The following CACNG7 variants were observed in gnomAD, a reference collection of about 807,000 sequenced individuals.
CACNG7 encodes voltage-dependent calcium channel gamma-7 subunit.
Under a neutral mutation model 26.3 loss-of-function variants are expected in CACNG7, and 9 were observed. The ratio of observed to expected loss-of-function variants is 0.34; its 90% confidence interval spans 0.21 to 0.60. CACNG7 has a LOEUF of 0.60. Among genes scored for constraint, CACNG7 ranks in the 20% least tolerant of loss-of-function variants. The pLI is 0.81. For missense variants in CACNG7, 297 were observed against 380.4 expected (o/e 0.78, Z 1.82); for synonymous variants, 170 against 157.0 (o/e 1.08, Z -0.62).
intron 4 of CACNG7, among the ~76,000 whole-genome samples, chr19:53,928,074 GA>G (rs533778746): frequency 0.21 from 26,055 of 123,322 alleles, 2,885 homozygotes; most frequent in African/African-American, 0.47. Context: ...GAAGGGAGGG[GA>G]GAAAAAGAGA....
intron 2 of CACNG7, among the ~76,000 whole-genome samples, chr19:53,914,060 G>T (rs1198292187): frequency 7.2e-5 from 11 of 151,954 alleles, no homozygotes. Flanking sequence ...TGGATCACAA[G>T]GTCAGGAGTT....
Position 53,940,890 on chromosome 19 carries a change from A to G in CACNG7, c.425-580A>G, listed in dbSNP as rs1230562052. Among the ~76,000 whole-genome samples the G allele has an allele frequency of 1.3e-5, 2 of 151,418 alleles. No homozygotes were observed. The highest frequency in any genetic ancestry group is 2.9e-5 in the Non-Finnish European group (2 of 67,918). On this transcript the variant is annotated intron_variant, in intron 4 of 5. Coordinates refer to ENST00000391767, the MANE Select transcript of CACNG7 (RefSeq NM_031896.5). This position sits in a 1 kb window ranked among gnomAD's most constrained non-coding sequence, Gnocchi z 4.1. ...GCCAACATGGTGAAACCCCGTCTCT[A>G]CTAAAAATATAAAAAAAAAAATTAG...
chr19:53,921,559 G>GT (rs1463405101), intron 4 of CACNG7, among the ~76,000 whole-genome samples: 54 of 118,752 alleles, frequency 4.5e-4, no homozygotes, highest in East Asian at 5.4e-4. Context: ...GTTGCCCCAG[G>GT]CTGGTCATTG....
chr19:53,941,721 C>T, intron 5 of CACNG7, 106 bp downstream of exon 5: 5 of 1,361,494 alleles, frequency 3.7e-6, no homozygotes, highest in East Asian at 2.4e-5. Context: ...CAGACTCTGG[C>T]GTCAGAGGGA....
intron 4 of CACNG7, among the ~76,000 whole-genome samples, chr19:53,917,771 A>G (rs769590386): frequency 1.3e-5 from 2 of 152,224 alleles, no homozygotes; most frequent in Non-Finnish European, 2.9e-5. Context: ...TGTCAAAATC[A>G]TGATAAGGAA....
chr19:53,934,828 A>G (rs1355417767), intron 4 of CACNG7, among the ~76,000 whole-genome samples: 2 of 141,788 alleles, frequency 1.4e-5, no homozygotes, highest in African/African-American at 5.4e-5. Flanking sequence ...TAGCATTTTG[A>G]AAAAAAAAAA....
At chr19:53,916,487 CTT>C (rs397706471) in intron 4 of CACNG7, among the ~76,000 whole-genome samples, 8 of 95,458 alleles carry the variant, frequency 8.4e-5, no homozygotes, top group African/African-American at 1.3e-4. Context: ...TTCTTTCTTT[CTT>C]TTTTTTTTTT....
At chr19:53,919,134 C>G (rs2068917887) in intron 4 of CACNG7, among the ~76,000 whole-genome samples, 1 of 152,142 alleles carries the variant, frequency 6.6e-6, no homozygotes, top group Admixed American at 6.6e-5. Flanking sequence ...AACCCAGCCT[C>G]CTCACCATGG....
chr19:53,942,037 G>C lies in CACNG7; in HGVS notation c.572G>C (p.Gly191Ala). The change falls in exon 6 of 6, where the codon GGG (glycine) becomes GCG (alanine). Residue 191 changes from glycine to alanine, a missense_variant and splice_region_variant. Physicochemically the swap from Gly to Ala is moderately conservative, Grantham distance 60. Coordinates refer to ENST00000391767, the MANE Select transcript of CACNG7 (RefSeq NM_031896.5). This position sits in a 1 kb window ranked among gnomAD's most constrained non-coding sequence, Gnocchi z 5.9. ...GACTCTGACCTTGCCTTGCCGCAGG[G>C]GGCCGGCGTGATGTCCGTGTACCTG... ...FAASSFLLKE[G>A]AGVMSVYLFT... 1 of 1,586,094 alleles carries C rather than the reference G, an allele frequency of 6.3e-7. No individual in the cohort carries two copies. Among genetic ancestry groups the C allele is most frequent in the Non-Finnish European group, 8.6e-7 (1 of 1,161,296 alleles).
At position 53,941,567 on chromosome 19, in the gene CACNG7, C is replaced by T; in HGVS notation, c.522C>T (p.Arg174=). ...PSSSEQYFHY[R]YGWSFAFAAS... is the part of the protein sequence containing the mutation. ...GCTCTGAGCAGTATTTTCATTATCGCTACGGGTGGTCTTTTGCCTTCGCCG... is the reference window on the plus strand; with the variant it reads ...GCTCTGAGCAGTATTTTCATTATCGTTACGGGTGGTCTTTTGCCTTCGCCG... Residue 174 remains arginine, a synonymous_variant, in exon 5 of 6, where the codon CGC becomes CGT. Coordinates refer to ENST00000391767, the MANE Select transcript of CACNG7 (RefSeq NM_031896.5). The T allele has an allele frequency of 6.2e-7, 1 of 1,611,598 alleles. No individual in the cohort carries two copies. Among genetic ancestry groups the T allele is most frequent in the Non-Finnish European group, 8.5e-7 (1 of 1,179,142 alleles).
intron 4 of CACNG7, among the ~76,000 whole-genome samples, chr19:53,933,772 A>G (rs2069088747): frequency 6.7e-6 from 1 of 150,364 alleles, no homozygotes; most frequent in South Asian, 2.1e-4. Flanking sequence ...TCTTTTTGAG[A>G]TATTAGAGTT....
chr19:53,915,116 C>T (rs1323268256), intron 3 of CACNG7, among the ~76,000 whole-genome samples: 3 of 151,440 alleles, frequency 2.0e-5, no homozygotes, highest in Non-Finnish European at 4.4e-5. Context: ...TGGTGAGGAG[C>T]GGTCAATCAG....
rs751310306 is a variant in CACNG7 at position 53,942,020 on chromosome 19, C to A, written c.571-16C>A. ...CAGGGGGGCGCCCCTGGGACTCTGA[C>A]CTTGCCTTGCCGCAGGGGGCCGGCG... is the stretch of plus-strand genomic sequence containing the variant. On this transcript the variant is annotated splice_polypyrimidine_tract_variant and intron_variant, in intron 5 of 5. Coordinates refer to ENST00000391767, the MANE Select transcript of CACNG7 (RefSeq NM_031896.5). This position sits in a 1 kb window ranked among gnomAD's most constrained non-coding sequence, Gnocchi z 5.9. The A allele has an allele frequency of 2.5e-6, 4 of 1,574,084 alleles. No homozygotes were observed. In the South Asian group the frequency reaches 4.7e-5, roughly 18 times the overall value.
At chr19:53,925,751 G>C (rs900166241) in intron 4 of CACNG7, among the ~76,000 whole-genome samples, 2 of 152,210 alleles carry the variant, frequency 1.3e-5, no homozygotes, top group Admixed American at 1.3e-4. Context: ...GAAAGAGACT[G>C]GAAATGTACA....
In CACNG7 at chr19:53,915,509, A is replaced by C; in HGVS notation, c.424+4A>C. On this transcript the variant is annotated splice_donor_region_variant and intron_variant, in intron 4 of 5. Transcript: ENST00000391767. ...GGCATCTTCTTCATACTATCGGGTGAGCCTAAGGACTTGGGGGTTGGGGGG... is the reference window on the plus strand; with the variant it reads ...GGCATCTTCTTCATACTATCGGGTGCGCCTAAGGACTTGGGGGTTGGGGGG... The C allele has an allele frequency of 6.2e-7, 1 of 1,613,904 alleles. No individual in the cohort carries two copies. The highest frequency in any genetic ancestry group is 8.5e-7 in the Non-Finnish European group (1 of 1,179,932).
chr19:53,913,692 G>A (rs1227960012), intron 2 of CACNG7, among the ~76,000 whole-genome samples: 7 of 150,176 alleles, frequency 4.7e-5, no homozygotes, highest in Admixed American at 2.0e-4. Context: ...GCTGAGGTGG[G>A]AAGATTGCTT....
At position 53,912,629 on chromosome 19, in the gene CACNG7, G is replaced by T; in HGVS notation, c.-29-174G>T. On this transcript the variant is annotated intron_variant, in intron 1 of 5. Coordinates refer to ENST00000391767, the MANE Select transcript of CACNG7 (RefSeq NM_031896.5). The surrounding 1 kb of genome is among the most constrained non-coding windows in gnomAD (Gnocchi z 4.6). ...CTGAGGCTGAGGCTCAACAGTTGGT[G>T]TCTCTGGTCAGACTCTAGGGTTGGG... 1 of 565,680 alleles carries T rather than the reference G, an allele frequency of 1.8e-6. No individual in the cohort carries two copies. The highest frequency in any genetic ancestry group is 3.1e-6 in the Non-Finnish European group (1 of 320,186). 35.0% of individuals were successfully genotyped at this position (565,680 alleles called of 1,614,324 possible). A position where few individuals can be genotyped will look rare whatever the true frequency, so the allele number is the denominator to read the frequency against.
chr19:53,921,533 T>A (rs1451499295), intron 4 of CACNG7, among the ~76,000 whole-genome samples: 8 of 116,696 alleles, frequency 6.9e-5, no homozygotes, highest in Non-Finnish European at 1.2e-4. Context: ...TTGCCCCAGG[T>A]CTGGTCATTG....
intron 4 of CACNG7, among the ~76,000 whole-genome samples, chr19:53,932,252 TAAAAAAAAAA>T (rs765449244): frequency 1.9e-4 from 10 of 53,252 alleles, no homozygotes; most frequent in African/African-American, 6.7e-4. Context: ...AGGCCCTGTC[TAAAAAAAAAA>T]AAAAAAAAAA....
Sources: gnomAD v4.1 joint callset for allele counts (sites outside exome capture counted in the v4.1 genomes callset) on GRCh38, gnomAD v4.1.1 for gene constraint, Gnocchi (gnomAD v3.1) non-coding constraint, MANE v1.5 for transcripts, NCBI Gene and HGNC (gene_info 2026-07-23, HGNC 2026-07-21) for gene names.